The following LAMC3 variants were observed in gnomAD, a reference collection of about 807,000 sequenced individuals.
LAMC3 encodes laminin subunit gamma 3.
Under a neutral mutation model 173.8 loss-of-function variants are expected in LAMC3, and 128 were observed. The ratio of observed to expected loss-of-function variants is 0.74; its 90% CI spans 0.64 to 0.85. LAMC3 has a LOEUF of 0.85. Among genes scored for constraint, LAMC3 ranks in the 40% least tolerant of loss-of-function variants. LAMC3 has a pLI of 0.00. For synonymous variants in LAMC3, 897 were observed against 909.1 expected, an observed-to-expected ratio of 0.99 and a Z score of 0.24; for missense variants, 2,022 against 2,156.0, an observed-to-expected ratio of 0.94 and a Z score of 1.23.
chr9:131,039,483 C>T (rs1834006512), intron 6 of LAMC3, among the ~76,000 whole-genome samples: 2 of 151,948 alleles, frequency 1.3e-5, no homozygotes, highest in Non-Finnish European at 1.5e-5. Flanking sequence ...AGGTGGAGGG[C>T]AGGCTTCCTG....
At chr9:131,051,588 C>A (rs1304580356) in intron 9 of LAMC3, among the ~76,000 whole-genome samples, 1 of 152,102 alleles carries the variant, frequency 6.6e-6, no homozygotes, top group Non-Finnish European at 1.5e-5. Flanking sequence ...TGGTCTTGAA[C>A]TCCTGACCTT....
chr9:131,057,647 A>C (rs966645121), intron 12 of LAMC3, among the ~76,000 whole-genome samples: 8 of 152,220 alleles, frequency 5.3e-5, no homozygotes. Context: ...GCCATGGGAA[A>C]GTCACTTCCC....
intron 16 of LAMC3, among the ~76,000 whole-genome samples, 179 bp from the exon 17 acceptor site, chr9:131,069,493 C>T (rs1830001342): frequency 6.6e-6 from 1 of 152,148 alleles, no homozygotes; most frequent in African/African-American, 2.4e-5. Context: ...GGCTCTGTGC[C>T]ACCTTCAACC....
At chr9:131,013,786 T>C (rs1299838955) in intron 1 of LAMC3, among the ~76,000 whole-genome samples, 4 of 148,866 alleles carry the variant, frequency 2.7e-5, no homozygotes, top group Non-Finnish European at 6.0e-5. Context: ...GACGCTGGGG[T>C]CTGGCCAGCC....
rs763634492 is a variant in LAMC3, at chr9:131,052,911, C to T, written c.1885C>T (p.Leu629Phe). ...GCCCCCCTTCCACTTCCAGCGGCTC[C>T]TCGCCAACCTGACCAGCCTCCGCCT... ...PLPPFHFQRL[L>F]ANLTSLRLRV... The change falls in exon 11 of 28, where the codon CTC (leucine) becomes TTC (phenylalanine). Residue 629 changes from leucine (L) to phenylalanine (F), a missense_variant. Leu to Phe is a conservative substitution (Grantham distance 22). Transcript: ENST00000361069. 2.5e-6 allele frequency: 4 copies of T among 1,613,962 alleles called. No individual in the cohort carries two copies. Among genetic ancestry groups the T allele is most frequent in the Admixed American group, 1.7e-5 (1 of 60,034 alleles).
At chr9:131,060,735 G>A (rs1308890984) in intron 12 of LAMC3, among the ~76,000 whole-genome samples, 1 of 152,128 alleles carries the variant, frequency 6.6e-6, no homozygotes, top group Non-Finnish European at 1.5e-5. Flanking sequence ...GGTCTTGTTG[G>A]ACCCTGACGA....
At chr9:131,091,096 G>A (rs1830416825) in intron 27 of LAMC3, among the ~76,000 whole-genome samples, 1 of 152,194 alleles carries the variant, frequency 6.6e-6, no homozygotes, top group Non-Finnish European at 1.5e-5. Context: ...TGGGCCTGTG[G>A]TTTACCCCAG....
intron 24 of LAMC3, among the ~76,000 whole-genome samples, 175 bp downstream of exon 24, chr9:131,082,336 C>T (rs1265328637): frequency 6.6e-6 from 1 of 152,242 alleles, no homozygotes; most frequent in African/African-American, 2.4e-5. Flanking sequence ...TCTCATACAT[C>T]ACTCACCTCG....
intron 12 of LAMC3, among the ~76,000 whole-genome samples, chr9:131,057,849 T>C (rs1243403837): frequency 6.6e-6 from 1 of 152,318 alleles, no homozygotes; most frequent in East Asian, 1.9e-4. Flanking sequence ...AGTCTCTACT[T>C]TTCAGGACAC....
intron 1 of LAMC3, among the ~76,000 whole-genome samples, chr9:131,021,732 T>C (rs4588908): frequency 0.32 from 48,097 of 152,040 alleles, 10,426 homozygotes; most frequent in African/African-American, 0.62. Flanking sequence ...AGTCTAGGCC[T>C]CACGAACTTC....
In LAMC3 at chr9:131,069,756, A is replaced by G. The variant is rs767723630; in HGVS notation, c.2975A>G (p.Tyr992Cys). The stretch of plus-strand genomic sequence containing the variant: ...GTGTGCAGGCCTGGCTTCGAGGGCT[A>G]CAAATGTGACCGCTGCCACGACAAC... ...TCVCRPGFEG[Y>C]KCDRCHDNFF... The change falls in exon 17 of 28, where the codon TAC becomes TGC. Residue 992 changes from tyrosine (Y) to cysteine (C), a missense_variant. By Grantham distance (194) the Tyr-to-Cys change is radical (BLOSUM62 -2). Coordinates refer to ENST00000361069, the MANE Select transcript of LAMC3 (RefSeq NM_006059.4). 19 of 1,598,360 alleles carry G rather than the reference A, an allele frequency of 1.2e-5. No individual in the cohort carries two copies. Among genetic ancestry groups the G allele is most frequent in the Admixed American group, 3.5e-5 (2 of 57,770 alleles).
At chr9:131,048,866 G>A (rs930819818) in intron 8 of LAMC3, among the ~76,000 whole-genome samples, 154 bp from the exon 9 acceptor site, 2 of 152,014 alleles carry the variant, frequency 1.3e-5, no homozygotes, top group African/African-American at 4.8e-5. Context: ...AGGCTTCCAG[G>A]TCTGACCATG....
intron 12 of LAMC3, among the ~76,000 whole-genome samples, chr9:131,060,640 C>T (rs1829787198): frequency 1.1e-5 from 1 of 90,048 alleles, no homozygotes. Context: ...GAGACTCTGT[C>T]TCAACTAATA....
chr9:131,081,163 T>C (rs1830231685), intron 23 of LAMC3, among the ~76,000 whole-genome samples: 1 of 152,234 alleles, frequency 6.6e-6, no homozygotes, highest in African/African-American at 2.4e-5. Flanking sequence ...TATGTGCCGA[T>C]GGTGTCAGGC....
At chr9:131,057,288 C>A in intron 12 of LAMC3, 141 bp downstream of exon 12, 1 of 736,722 alleles carries the variant, frequency 1.4e-6, no homozygotes, top group South Asian at 1.5e-5. Context: ...CTGAGCTTTC[C>A]CGTGCTGCTC....
chr9:131,047,386 T>C (rs1350130416), intron 8 of LAMC3, among the ~76,000 whole-genome samples: 1 of 151,190 alleles, frequency 6.6e-6, no homozygotes, highest in Non-Finnish European at 1.5e-5. Flanking sequence ...AGGCTGGTCT[T>C]GAACTCCTGA....
At chr9:131,058,664 T>C (rs1417656716) in intron 12 of LAMC3, among the ~76,000 whole-genome samples, 4 of 147,726 alleles carry the variant, frequency 2.7e-5, no homozygotes, top group African/African-American at 1.0e-4. Flanking sequence ...GAGGCTGAGG[T>C]GGGCGGATCA....
In LAMC3 at chr9:131,079,278, C is replaced by T; in HGVS notation, c.3907C>T (p.Gln1303Ter). Residue 1303 changes from glutamine (Q) to a stop codon, truncating the protein, a stop_gained, in exon 23 of 28, where the codon CAA becomes TAA. Coordinates refer to ENST00000361069, the MANE Select transcript of LAMC3 (RefSeq NM_006059.4). LOFTEE classifies it high-confidence loss of function. ...LQTAAQATLR[Q>*]TEPLTKLHQE... ...GACTGCTGCCCAGGCGACGCTACGG[C>T]AAACAGAACCCCTCACAAAGGTCAG... 4.3e-6 allele frequency: 7 copies of T among 1,614,212 alleles called. No individual in the cohort carries two copies. Among genetic ancestry groups the T allele is most frequent in the African/African-American group, 1.3e-5 (1 of 75,072 alleles).
chr9:131,048,342 C>T (rs1418741965), intron 8 of LAMC3, among the ~76,000 whole-genome samples: 6 of 152,176 alleles, frequency 3.9e-5, no homozygotes, highest in Non-Finnish European at 8.8e-5. Flanking sequence ...CAGGCATGAG[C>T]CACTGTGCCT....
Sources: gnomAD v4.1 joint callset for allele counts (sites outside exome capture counted in the v4.1 genomes callset) on GRCh38, gnomAD v4.1.1 for gene constraint, MANE v1.5 for transcripts, NCBI Gene and HGNC (gene_info 2026-07-23, HGNC 2026-07-21) for gene names.